The following PRKN variants were observed in gnomAD, a reference collection of about 807,000 sequenced individuals.
PRKN encodes the protein E3 ubiquitin-protein ligase parkin.
In PRKN, 56 loss-of-function variants were observed where a neutral mutation model predicts 59.5. The ratio of observed to expected loss-of-function variants is 0.94; its 90% CI spans 0.76 to 1.18. PRKN has a LOEUF of 1.18. PRKN is among the 50% of genes most tolerant of loss of function. The pLI, the probability that PRKN is intolerant of heterozygous loss-of-function variation, is 0.00. For missense variants in PRKN, 657 were observed against 596.4 expected, an observed-to-expected ratio of 1.10 and a Z score of -1.06; for synonymous variants, 250 against 222.1, an observed-to-expected ratio of 1.13 and a Z score of -1.12.
Position 161,386,733 on chromosome 6 carries a change from G to A in PRKN, c.1167+61C>T, listed in dbSNP as rs191114756. The A allele has an allele frequency of 6.4e-4, 832 of 1,292,270 alleles. 3 individuals carry two copies. In the Middle Eastern group the frequency reaches 0.013, roughly 19 times the overall value. The allele number at this position is 1,292,270 out of a possible 1,614,324, so 80.1% of individuals were successfully genotyped here. On this transcript the variant is annotated intron_variant, in intron 10 of 11. Transcript: ENST00000366898. The surrounding 1 kb of genome is among the most constrained non-coding windows in gnomAD (Gnocchi z 4.3). Reference sequence around the variant, plus strand: ...GAACTCTCCATGACCTCCAGGAAACGGCTCCAGTCCCCCACTGTATCCGGA... The same window carrying A: ...GAACTCTCCATGACCTCCAGGAAACAGCTCCAGTCCCCCACTGTATCCGGA...
chr6:162,363,174 G>A (rs1335733835), intron 2 of PRKN, among the ~76,000 whole-genome samples: 1 of 149,224 alleles, frequency 6.7e-6, no homozygotes, highest in Non-Finnish European at 1.5e-5. Context: ...CCCCTGACTT[G>A]AGTTATGGGA....
At chr6:162,267,818 C>CA (rs1225537172) in intron 2 of PRKN, among the ~76,000 whole-genome samples, 2 of 151,862 alleles carry the variant, frequency 1.3e-5, no homozygotes, top group Non-Finnish European at 2.9e-5. Context: ...TTTTTTTTGC[C>CA]AAACAATGAT....
intron 1 of PRKN, among the ~76,000 whole-genome samples, chr6:162,718,463 G>C (rs1486068304): frequency 2.0e-5 from 3 of 152,134 alleles, no homozygotes; most frequent in African/African-American, 7.2e-5. Context: ...TGTAATCTCA[G>C]CACTTTGGGA....
Position 161,462,164 on chromosome 6 carries a change from T to A in PRKN, c.1084-75287A>T, listed in dbSNP as rs1790252933. ...CACATGCTTTGTCTCATCCTTTTCA[T>A]CTTTGCACAATATTAGCCTCTACTG... On this transcript the variant is annotated intron_variant, in intron 9 of 11. Transcript: ENST00000366898. The surrounding 1 kb of genome is among the most constrained non-coding windows in gnomAD (Gnocchi z 4.5). Among the ~76,000 whole-genome samples the A allele has an allele frequency of 6.6e-6, 1 of 152,220 alleles. No individual in the cohort carries two copies. Among genetic ancestry groups the A allele is most frequent in the Admixed American group, 6.5e-5 (1 of 15,284 alleles).
intron 2 of PRKN, among the ~76,000 whole-genome samples, chr6:162,354,941 AT>A (rs1784784423): frequency 6.6e-6 from 1 of 151,896 alleles, no homozygotes; most frequent in East Asian, 1.9e-4. Context: ...TGCAAACACA[AT>A]TTACTTTTCC....
rs188757268 is a variant in PRKN, at chr6:162,104,210, G to T, written c.535-50036C>A. ...CACCTACTTCAAGGTTGGTTGGAAGGGGTGAATGAGTTAATCCAGGTAAAA... is the reference window on the plus strand; with the variant it reads ...CACCTACTTCAAGGTTGGTTGGAAGTGGTGAATGAGTTAATCCAGGTAAAA... On this transcript the variant is annotated intron_variant, in intron 4 of 11. Coordinates refer to ENST00000366898, the MANE Select transcript of PRKN (RefSeq NM_004562.3). Among the ~76,000 whole-genome samples, 35 of 152,216 alleles carry T rather than the reference G, an allele frequency of 2.3e-4. No individual in the cohort carries two copies. In the East Asian group the frequency reaches 6.4e-3, roughly 28 times the overall value.
At chr6:162,175,311 A>T (rs1783482779) in intron 4 of PRKN, among the ~76,000 whole-genome samples, 1 of 152,156 alleles carries the variant, frequency 6.6e-6, no homozygotes, top group Non-Finnish European at 1.5e-5. Flanking sequence ...CAGAAAAGAA[A>T]AGTGAGCCAG....
At chr6:162,675,877 G>A (rs1028756522) in intron 1 of PRKN, among the ~76,000 whole-genome samples, 1 of 152,080 alleles carries the variant, frequency 6.6e-6, no homozygotes, top group Non-Finnish European at 1.5e-5. Context: ...AAAACATATT[G>A]TAAAAATTCA....
At chr6:162,549,663 G>A (rs1397543856) in intron 1 of PRKN, among the ~76,000 whole-genome samples, 19 of 141,106 alleles carry the variant, frequency 1.3e-4, no homozygotes, top group Non-Finnish European at 2.4e-4. Context: ...TTTTTTGACC[G>A]AGTCTTGCTC....
intron 9 of PRKN, among the ~76,000 whole-genome samples, chr6:161,516,937 T>G (rs976170319): frequency 6.6e-6 from 1 of 152,108 alleles, no homozygotes; most frequent in East Asian, 1.9e-4. Flanking sequence ...TTCAGTAAGT[T>G]GTTTCTCATT....
intron 5 of PRKN, among the ~76,000 whole-genome samples, chr6:162,028,526 C>T (rs1056578621): frequency 3.3e-5 from 5 of 152,070 alleles, no homozygotes; most frequent in Non-Finnish European, 7.3e-5. Context: ...CTTCCGGGCA[C>T]GGAAATCTTT....
intron 2 of PRKN, among the ~76,000 whole-genome samples, chr6:162,323,451 T>C (rs1583379131): frequency 1.7e-4 from 4 of 24,214 alleles, no homozygotes; most frequent in Admixed American, 1.5e-3. Context: ...AATTTAAAGA[T>C]TTTTTTAAAA....
intron 5 of PRKN, among the ~76,000 whole-genome samples, chr6:161,998,863 G>T (rs972900158): frequency 6.6e-6 from 1 of 152,098 alleles, no homozygotes; most frequent in Non-Finnish European, 1.5e-5. Flanking sequence ...AAATCATACT[G>T]TGGAAATAAG....
In PRKN at chr6:161,357,459, G is replaced by A. The variant is rs893927001; in HGVS notation, c.1285+2629C>T. 3.3e-5 allele frequency among the ~76,000 whole-genome samples: 5 copies of A among 152,304 alleles called. No homozygotes were observed. Among genetic ancestry groups the A allele is most frequent in the East Asian group, 1.9e-4 (1 of 5,182 alleles). On this transcript the variant is annotated intron_variant, in intron 11 of 11. Transcript: ENST00000366898. The surrounding 1 kb of genome is among the most constrained non-coding windows in gnomAD (Gnocchi z 5.5). Reference sequence around the variant, plus strand: ...CTGCTGGGTAAATTCTCCACCTGCCGTGCCTGTGACGCCTGCCAGAAGTGG... The same window carrying A: ...CTGCTGGGTAAATTCTCCACCTGCCATGCCTGTGACGCCTGCCAGAAGTGG...
intron 2 of PRKN, among the ~76,000 whole-genome samples, chr6:162,359,079 A>AATATATATATATATATATATATATATAT (rs1554304695): frequency 2.4e-5 from 2 of 83,242 alleles, no homozygotes; most frequent in African/African-American, 1.5e-4. Context: ...AAAAAAAAAA[A>AATATATATATATATATATATATATATAT]ATATATATAT....
At chr6:162,364,789 T>C (rs867273800) in intron 2 of PRKN, among the ~76,000 whole-genome samples, 1 of 152,108 alleles carries the variant, frequency 6.6e-6, no homozygotes, top group South Asian at 2.1e-4. Context: ...ATTTCCAGAA[T>C]GAGCCAGAGT....
At chr6:161,595,594 G>A (rs960939044) in intron 7 of PRKN, among the ~76,000 whole-genome samples, 29 of 151,864 alleles carry the variant, frequency 1.9e-4, no homozygotes, top group African/African-American at 2.4e-4. Flanking sequence ...GACTCTTCAC[G>A]AAGGCCAAGA....
chr6:161,852,982 C>A (rs1793499012), intron 6 of PRKN, among the ~76,000 whole-genome samples: 1 of 152,116 alleles, frequency 6.6e-6, no homozygotes, highest in Non-Finnish European at 1.5e-5. Flanking sequence ...GACACACACA[C>A]CATGGCCTGT....
chr6:162,392,526 T>A (rs1189772065), intron 2 of PRKN, among the ~76,000 whole-genome samples: 1 of 152,178 alleles, frequency 6.6e-6, no homozygotes, highest in African/African-American at 2.4e-5. Context: ...TAGATACACA[T>A]TCCTGTTATG....
Sources: allele counts gnomAD v4.1 joint callset (sites outside exome capture counted in the v4.1 genomes callset), GRCh38; gene constraint gnomAD v4.1.1; non-coding constraint Gnocchi (gnomAD v3.1); transcripts MANE v1.5; gene names NCBI Gene and HGNC (gene_info 2026-07-23, HGNC 2026-07-21).